The following METTL9 variants were observed in gnomAD, a reference collection of about 807,000 sequenced individuals.
METTL9 encodes methyltransferase 9, His-X-His N1(pi)-histidine.
In METTL9, 10 loss-of-function variants were observed where a neutral mutation model predicts 36.0. The observed-to-expected ratio is 0.28, with a 90% CI of 0.17 to 0.47. The LOEUF is 0.47. Among genes scored for constraint, METTL9 ranks in the 20% least tolerant of loss-of-function variants. The pLI, the probability that METTL9 is intolerant of heterozygous loss-of-function variation, is 0.99. For missense variants in METTL9, 246 were observed against 383.5 expected (o/e 0.64, Z 3.00); for synonymous variants, 175 against 149.7 (o/e 1.17, Z -1.23).
intron 1 of METTL9, among the ~76,000 whole-genome samples, chr16:21,604,800 A>G (rs1965230736): frequency 6.6e-6 from 1 of 152,154 alleles, no homozygotes. Context: ...GATCCTGAGC[A>G]GTGGAGCTTT....
At chr16:21,631,024 C>T (rs552729341) in intron 4 of METTL9, among the ~76,000 whole-genome samples, 1 of 152,286 alleles carries the variant, frequency 6.6e-6, no homozygotes, top group South Asian at 2.1e-4. Context: ...AGGAGGTCTA[C>T]GCCTCAGGGG....
At chr16:21,637,673 G>A (rs1966137686) in intron 4 of METTL9, among the ~76,000 whole-genome samples, 1 of 152,252 alleles carries the variant, frequency 6.6e-6, no homozygotes, top group African/African-American at 2.4e-5. Context: ...GGCCTGCTGA[G>A]CCCGTACACA....
At chr16:21,602,920 AAG>A (rs1965175774) in intron 1 of METTL9, among the ~76,000 whole-genome samples, 1 of 152,126 alleles carries the variant, frequency 6.6e-6, no homozygotes, top group Non-Finnish European at 1.5e-5. Context: ...GGGCCTCCCA[AAG>A]TGCTGGGATT....
intron 2 of METTL9, among the ~76,000 whole-genome samples, chr16:21,617,057 G>A (rs1965570531): frequency 1.3e-5 from 2 of 152,074 alleles, no homozygotes; most frequent in African/African-American, 4.8e-5. Flanking sequence ...CAACTCCAAA[G>A]ACAAATGGTA....
chr16:21,635,852 C>T (rs181695514), intron 4 of METTL9, among the ~76,000 whole-genome samples: 24 of 152,222 alleles, frequency 1.6e-4, no homozygotes, highest in Admixed American at 1.2e-3. Flanking sequence ...GGAATAGTTG[C>T]GCTCACCGAA....
At chr16:21,644,241 A>T in intron 4 of METTL9, 1 of 1,268,268 alleles carries the variant, frequency 7.9e-7, no homozygotes, top group Non-Finnish European at 1.1e-6. Flanking sequence ...TTTTCTTTTG[A>T]TAATATTCAA....
intron 4 of METTL9, chr16:21,652,692 C>T (rs1340191618): frequency 3.5e-6 from 3 of 867,294 alleles, no homozygotes; most frequent in South Asian, 3.4e-5. Context: ...AGAGGAACCT[C>T]TTATGAAGGA....
At chr16:21,643,110 T>C (rs374825734) in intron 4 of METTL9, 14 of 1,609,674 alleles carry the variant, frequency 8.7e-6, no homozygotes, top group Non-Finnish European at 1.1e-5. Context: ...TCTTATGGTA[T>C]AGTTCTTGAG....
intron 2 of METTL9, among the ~76,000 whole-genome samples, chr16:21,613,168 C>CTTTTTT (rs57388340): frequency 9.8e-5 from 9 of 91,424 alleles, no homozygotes; most frequent in East Asian, 3.5e-4. Flanking sequence ...TGAGAGTCTG[C>CTTTTTT]TTTTTTTTTT....
intron 1 of METTL9, among the ~76,000 whole-genome samples, chr16:21,605,573 C>T (rs940170286): frequency 2.0e-5 from 3 of 151,932 alleles, no homozygotes; most frequent in African/African-American, 7.3e-5. Context: ...AGGAAACTGC[C>T]CTCATTCTAG....
chr16:21,639,578 T>G (rs1046323789), intron 4 of METTL9: 3 of 152,232 alleles, frequency 2.0e-5, no homozygotes, highest in Non-Finnish European at 4.4e-5. Flanking sequence ...AGGAAAGTAT[T>G]AGCATTTTTT....
intron 3 of METTL9, among the ~76,000 whole-genome samples, chr16:21,622,141 C>CTTTGTTTTTTTTTTTTTT (rs1965715281): frequency 2.9e-5 from 1 of 34,922 alleles, no homozygotes; most frequent in Admixed American, 4.6e-4. Flanking sequence ...CATGCCTGGC[C>CTTTGTTTTTTTTTTTTTT]TTTTTTTTTT....
intron 3 of METTL9, among the ~76,000 whole-genome samples, chr16:21,619,587 A>AT (rs35728063): frequency 0.098 from 12,171 of 124,310 alleles, 637 homozygotes; most frequent in Middle Eastern, 0.14. Flanking sequence ...TGCCCGGCTA[A>AT]TTTTTTTTTT....
At chr16:21,608,148 C>A (rs1597741972) in intron 1 of METTL9, among the ~76,000 whole-genome samples, 1 of 151,008 alleles carries the variant, frequency 6.6e-6, no homozygotes. Flanking sequence ...GACTCCGTCT[C>A]AAAAAAAACA....
rs575305678 is a variant in METTL9, at chr16:21,627,456, G to A, written c.751+2341G>A. 7.0e-6 allele frequency: 6 copies of A among 858,332 alleles called. No individual in the cohort carries two copies. In the African/African-American group the frequency reaches 9.1e-5, roughly 13 times the overall value. 53.2% of individuals were successfully genotyped at this position (858,332 alleles called of 1,614,324 possible). Reference sequence around the variant, plus strand: ...TATTTGGTTTACTGACCCAGTTTTGGCTAGGGGTTATTGAATCTAGTGAGA... The same window carrying A: ...TATTTGGTTTACTGACCCAGTTTTGACTAGGGGTTATTGAATCTAGTGAGA... On this transcript the variant is annotated intron_variant, in intron 4 of 4. Coordinates refer to ENST00000358154, the MANE Select transcript of METTL9 (RefSeq NM_016025.5).
At chr16:21,617,396 C>A (rs1214388651) in intron 2 of METTL9, among the ~76,000 whole-genome samples, 2 of 131,520 alleles carry the variant, frequency 1.5e-5, no homozygotes, top group Non-Finnish European at 3.2e-5. Context: ...CCAGTCTGGG[C>A]GACGGCAGAG....
intron 3 of METTL9, among the ~76,000 whole-genome samples, chr16:21,618,296 C>T (rs2152894717): frequency 6.6e-6 from 1 of 152,212 alleles, no homozygotes; most frequent in East Asian, 1.9e-4. Context: ...TTGGAAAAGG[C>T]AGATCAGAAG....
At position 21,599,947 on chromosome 16, in the gene METTL9, C is replaced by T; in HGVS notation, c.165+49C>T. 1 of 1,276,336 alleles carries T rather than the reference C, an allele frequency of 7.8e-7. No individual in the cohort carries two copies. The highest frequency in any genetic ancestry group is 9.9e-7 in the Non-Finnish European group (1 of 1,014,722). The allele number at this position is 1,276,336 out of a possible 1,614,324, so 79.1% of individuals were successfully genotyped here. On this transcript the variant is annotated intron_variant, in intron 1 of 4. Transcript: ENST00000358154. The surrounding 1 kb of genome is among the most constrained non-coding windows in gnomAD (Gnocchi z 4.4). ...GGCGGGGGCGTGGCGGCCCGGCCTT[C>T]CCGCGCTGGGCCCGGCTATTGTGCG... is the stretch of plus-strand genomic sequence containing the variant.
chr16:21,616,904 G>C (rs1176761746), intron 2 of METTL9, among the ~76,000 whole-genome samples: 1 of 151,824 alleles, frequency 6.6e-6, no homozygotes, highest in Non-Finnish European at 1.5e-5. Flanking sequence ...CATGTTTTCT[G>C]TTACTCCTTC....
Sources: allele counts gnomAD v4.1 joint callset (sites outside exome capture counted in the v4.1 genomes callset), GRCh38; gene constraint gnomAD v4.1.1; non-coding constraint Gnocchi (gnomAD v3.1); transcripts MANE v1.5; gene names NCBI Gene and HGNC (gene_info 2026-07-23, HGNC 2026-07-21).